PRLR: variants seen among roughly 807,000 people sequenced by gnomAD.
The protein encoded by PRLR is hPRL receptor.
A neutral mutation model predicts 40.2 loss-of-function variants in PRLR; 13 were observed. That is an observed-to-expected ratio of 0.32 (90% CI 0.21 to 0.51). The LOEUF is 0.51. PRLR is among the 20% of genes least tolerant of loss of function. The pLI is 0.97. For missense variants in PRLR, 656 were observed against 747.3 expected (o/e 0.88, Z 1.42); for synonymous variants, 269 against 278.7 (o/e 0.97, Z 0.35).
intron 6 of PRLR, 63 bp downstream of exon 6, chr5:35,072,512 G>A: frequency 6.5e-7 from 1 of 1,528,782 alleles, no homozygotes; most frequent in Non-Finnish European, 8.9e-7. Flanking sequence ...CCTGTTTTCA[G>A]TTGTGAGGGC....
chr5:35,229,695 T>C (rs1776646172), intron 1 of PRLR, among the ~76,000 whole-genome samples: 1 of 152,064 alleles, frequency 6.6e-6, no homozygotes, highest in Non-Finnish European at 1.5e-5. Flanking sequence ...CCGCTGACTT[T>C]TGGGAGGAGC....
intron 1 of PRLR, among the ~76,000 whole-genome samples, chr5:35,136,617 G>A (rs1773865718): frequency 1.3e-5 from 2 of 152,198 alleles, no homozygotes; most frequent in Admixed American, 6.5e-5. Flanking sequence ...CAGCTGCAGA[G>A]GTCCTCAGAT....
rs1283692331 is a variant in PRLR, at chr5:35,060,133, G to A, written c.*4956C>T. 6.6e-6 allele frequency: 1 copy of A among 152,084 alleles called. No homozygotes were observed. The highest frequency in any genetic ancestry group is 6.6e-5 in the Admixed American group (1 of 15,258). 9.4% of individuals were successfully genotyped at this position (152,084 alleles called of 1,614,324 possible). ...CTCTAAGTATGCAAATCTCTAAATG[G>A]GATATACTTGTGATCTTCAACTTGG... On this transcript the variant is annotated 3_prime_UTR_variant, in exon 10 of 10. Coordinates refer to ENST00000618457, the MANE Select transcript of PRLR (RefSeq NM_000949.7).
intron 5 of PRLR, among the ~76,000 whole-genome samples, chr5:35,084,087 C>G (rs1412135564): frequency 6.6e-5 from 10 of 152,008 alleles, no homozygotes; most frequent in Non-Finnish European, 1.5e-5. Context: ...CTAAGAACTT[C>G]TTCTTCATGG....
intron 1 of PRLR, among the ~76,000 whole-genome samples, chr5:35,138,195 C>T (rs746709050): frequency 2.6e-5 from 4 of 152,248 alleles, no homozygotes; most frequent in Non-Finnish European, 5.9e-5. Context: ...CAATTCTATG[C>T]GAGAATTCTT....
intron 5 of PRLR, among the ~76,000 whole-genome samples, chr5:35,074,937 C>T (rs1319989320): frequency 6.6e-6 from 1 of 152,136 alleles, no homozygotes; most frequent in Non-Finnish European, 1.5e-5. Context: ...GTGACATTTT[C>T]TCCATTCATT....
chr5:35,072,335 G>A (rs1216218548), intron 6 of PRLR, among the ~76,000 whole-genome samples: 1 of 152,150 alleles, frequency 6.6e-6, no homozygotes, highest in Non-Finnish European at 1.5e-5. Context: ...AGGGAGGCAG[G>A]TTGGAAACCT....
intron 1 of PRLR, among the ~76,000 whole-genome samples, chr5:35,122,592 G>A (rs77643609): frequency 1.3e-5 from 2 of 152,092 alleles, no homozygotes; most frequent in East Asian, 1.9e-4. Context: ...ATAAACTGAC[G>A]TTAGGCCAAT....
Position 35,228,230 on chromosome 5 carries a change from T to C in PRLR, c.-106+2038A>G, listed in dbSNP as rs200415618. 6.0e-5 allele frequency among the ~76,000 whole-genome samples: 3 copies of C among 49,734 alleles called. No homozygotes were observed. The East Asian group carries it at 1.1e-3, about 19-fold the overall frequency. 32.6% of individuals were successfully genotyped at this position (49,734 alleles called of 152,430 possible). On this transcript the variant is annotated intron_variant, in intron 1 of 9. Transcript: ENST00000618457. ...AGTATTTCCATTCTCCCAACAACCA[T>C]GCAAAAAAAAAAAAAAAAAAAAAGC...
At chr5:35,145,525 A>G (rs1484085493) in intron 1 of PRLR, among the ~76,000 whole-genome samples, 1 of 152,204 alleles carries the variant, frequency 6.6e-6, no homozygotes, top group African/African-American at 2.4e-5. Context: ...TATGCCATAC[A>G]TTAGAGGACT....
intron 2 of PRLR, among the ~76,000 whole-genome samples, chr5:35,104,406 TG>T (rs34503819): frequency 0.055 from 8,315 of 151,780 alleles, 543 homozygotes; most frequent in East Asian, 0.18. Context: ...GGAGTGTCAG[TG>T]GAAGTAGGGG....
At chr5:35,219,941 C>T (rs1244763358) in intron 1 of PRLR, among the ~76,000 whole-genome samples, 5 of 152,148 alleles carry the variant, frequency 3.3e-5, no homozygotes, top group Admixed American at 3.3e-4. Context: ...TTTCGCTGGT[C>T]CCCTCCATCT....
rs79142025 is a variant in PRLR at position 35,165,634 on chromosome 5, G to A, written c.-105-47512C>T. Among the ~76,000 whole-genome samples the A allele has an allele frequency of 2.0e-3, 302 of 152,272 alleles. 2 individuals carry two copies. Among genetic ancestry groups the A allele is most frequent in the African/African-American group, 6.7e-3 (277 of 41,560 alleles). On this transcript the variant is annotated intron_variant, in intron 1 of 9. Coordinates refer to ENST00000618457, the MANE Select transcript of PRLR (RefSeq NM_000949.7). ...GGTAACCATTGGCCTTTGGAATCTA[G>A]TGATTCGGGCTTATTTACAGTAGTA...
Position 35,065,480 on chromosome 5 carries a change from A to G in PRLR, c.1478T>C (p.Leu493Pro), listed in dbSNP as rs1008991722. 1 of 1,614,072 alleles carries G rather than the reference A, an allele frequency of 6.2e-7. No homozygotes were observed. Among genetic ancestry groups the G allele is most frequent in the Non-Finnish European group, 8.5e-7 (1 of 1,180,040 alleles). The change falls in exon 10 of 10, where the codon CTG becomes CCG. Residue 493 changes from leucine to proline, a missense_variant. Leu to Pro is a moderately conservative substitution (Grantham distance 98). Around this residue, in one of 3 missense-constraint regions of PRLR, gnomAD observed 469 missense variants for 491.5 expected, o/e 0.95. Coordinates refer to ENST00000618457, the MANE Select transcript of PRLR (RefSeq NM_000949.7). Reference sequence around the variant, plus strand: ...AAAGGGGGTTTTCTCCTGGGGCAGCAGCCAGGGCGTATCCTGGTCAGTCTC... The same window carrying G: ...AAAGGGGGTTTTCTCCTGGGGCAGCGGCCAGGGCGTATCCTGGTCAGTCTC... Reference protein sequence around the residue: ...HSETDQDTPWLLPQEKTPFGS... With the variant: ...HSETDQDTPWPLPQEKTPFGS...
In PRLR at chr5:35,058,498, C is replaced by G. The variant is rs1768846788; in HGVS notation, c.*6591G>C. 6.6e-6 allele frequency: 1 copy of G among 152,202 alleles called. No homozygotes were observed. Among genetic ancestry groups the G allele is most frequent in the African/African-American group, 2.4e-5 (1 of 41,438 alleles). The allele number at this position is 152,202 out of a possible 1,614,324, so 9.4% of individuals were successfully genotyped here. On this transcript the variant is annotated 3_prime_UTR_variant, in exon 10 of 10. Coordinates refer to ENST00000618457, the MANE Select transcript of PRLR (RefSeq NM_000949.7). ...ACTTTCAAACAACTGTTGGATTGTACTTTAAATGTGTAACACCCCAGAGCA... is the reference window on the plus strand; with the variant it reads ...ACTTTCAAACAACTGTTGGATTGTAGTTTAAATGTGTAACACCCCAGAGCA...
In PRLR at chr5:35,063,116, TCAGA is replaced by T; in HGVS notation, c.*1969_*1972del. On this transcript the variant is annotated 3_prime_UTR_variant, in exon 10 of 10. Coordinates refer to ENST00000618457, the MANE Select transcript of PRLR (RefSeq NM_000949.7). ...CAGGTGATGCCTATGCAGTTGGTTCTCAGACAGTTAAAGTATCGAGGATTTAGGG... is the reference window on the plus strand; with the variant it reads ...CAGGTGATGCCTATGCAGTTGGTTCTCAGTTAAAGTATCGAGGATTTAGGG... The T allele has an allele frequency of 6.6e-6, 1 of 152,248 alleles. No individual in the cohort carries two copies. Among genetic ancestry groups the T allele is most frequent in the East Asian group, 1.9e-4 (1 of 5,202 alleles). The allele number at this position is 152,248 out of a possible 1,614,324, so 9.4% of individuals were successfully genotyped here.
intron 1 of PRLR, among the ~76,000 whole-genome samples, chr5:35,183,547 T>C (rs1177391816): frequency 5.3e-5 from 8 of 152,186 alleles, no homozygotes; most frequent in Admixed American, 5.2e-4. Flanking sequence ...GAGTGTGGCA[T>C]GATCCGAGGT....
At chr5:35,087,152 G>A (rs1190525133) in intron 3 of PRLR, among the ~76,000 whole-genome samples, 12 of 152,114 alleles carry the variant, frequency 7.9e-5, no homozygotes, top group African/African-American at 2.2e-4. Context: ...CACCACACCC[G>A]GCTAAGTTTT....
chr5:35,141,358 G>A (rs191334713), intron 1 of PRLR, among the ~76,000 whole-genome samples: 54 of 152,214 alleles, frequency 3.5e-4, no homozygotes, highest in Non-Finnish European at 6.6e-4. Flanking sequence ...GGGAAATGCC[G>A]CATGAATCTA....
Sources: allele counts gnomAD v4.1 joint callset (sites outside exome capture counted in the v4.1 genomes callset), GRCh38; gene constraint gnomAD v4.1.1; regional missense constraint gnomAD v4.1.1; transcripts MANE v1.5; gene names NCBI Gene and HGNC (gene_info 2026-07-23, HGNC 2026-07-21).